UNC5D: variants seen among roughly 807,000 people sequenced by gnomAD.
UNC5D encodes the protein unc-5 netrin receptor D.
Under a neutral mutation model 105.4 loss-of-function variants are expected in UNC5D, and 39 were observed. The ratio of observed to expected loss-of-function variants is 0.37; its 90% CI spans 0.29 to 0.48. The LOEUF (loss-of-function observed/expected upper bound fraction) is 0.48. UNC5D is among the 20% of genes least tolerant of loss of function. UNC5D has a pLI of 0.98. For missense variants in UNC5D, 991 were observed against 1,202.4 expected (o/e 0.82, Z 2.60); for synonymous variants, 452 against 450.4 (o/e 1.00, Z -0.04).
Position 35,715,389 on chromosome 8 carries a change from A to G in UNC5D, c.1118-6821A>G, listed in dbSNP as rs73584842. 3.4e-3 allele frequency among the ~76,000 whole-genome samples: 517 copies of G among 152,296 alleles called. 3 individuals are homozygous for G. Among genetic ancestry groups the G allele is most frequent in the African/African-American group, 0.012 (496 of 41,560 alleles). The stretch of plus-strand genomic sequence containing the variant: ...TTGGAGAGGTGGTAGTTGGAAGACA[A>G]GCTTGCTTTTTGCATAGTATATGTA... On this transcript the variant is annotated intron_variant, in intron 8 of 16. Transcript: ENST00000404895.
rs200962371 is a variant in UNC5D, at chr8:35,593,046, TACACACAC to T, written c.467-2474_467-2467del. The stretch of plus-strand genomic sequence containing the variant: ...TAGGTCCCACTGTCAGTAGTTTTTA[TACACACAC>T]ACACACACACACACACACACACACA... On this transcript the variant is annotated intron_variant, in intron 3 of 16. Coordinates refer to ENST00000404895, the MANE Select transcript of UNC5D (RefSeq NM_080872.4). 6.0e-3 allele frequency among the ~76,000 whole-genome samples: 845 copies of T among 141,216 alleles called. 12 individuals are homozygous for T. The highest frequency in any genetic ancestry group is 0.051 in the East Asian group (244 of 4,752). The allele number at this position is 141,216 out of a possible 152,430, so 92.6% of individuals were successfully genotyped here. A position where few individuals can be genotyped will look rare whatever the true frequency, so the allele number is the denominator to read the frequency against.
In UNC5D at chr8:35,791,795, A is replaced by G. The variant is rs893438834; in HGVS notation, c.*1232A>G. ...CAGCCTCCCTGAATATGCTTTCTCT[A>G]TAGAACCACTAACATATGGCTATTG... is the stretch of plus-strand genomic sequence containing the variant. On this transcript the variant is annotated 3_prime_UTR_variant, in exon 17 of 17. Coordinates refer to ENST00000404895, the MANE Select transcript of UNC5D (RefSeq NM_080872.4). 6.6e-6 allele frequency: 1 copy of G among 152,036 alleles called. No homozygotes were observed. The highest frequency in any genetic ancestry group is 1.5e-5 in the Non-Finnish European group (1 of 68,000). The allele number at this position is 152,036 out of a possible 1,614,324, so 9.4% of individuals were successfully genotyped here. A position where few individuals can be genotyped will look rare whatever the true frequency, so the allele number is the denominator to read the frequency against.
intron 1 of UNC5D, among the ~76,000 whole-genome samples, chr8:35,346,869 G>T (rs1811841995): frequency 6.6e-6 from 1 of 151,800 alleles, no homozygotes; most frequent in East Asian, 1.9e-4. Flanking sequence ...TAATGATTCT[G>T]TATTTCAGAT....
chr8:35,561,349 G>T (rs1247808893), intron 2 of UNC5D, among the ~76,000 whole-genome samples: 5 of 152,104 alleles, frequency 3.3e-5, no homozygotes, highest in Non-Finnish European at 7.4e-5. Context: ...ACAATGGAAA[G>T]GCCCTTGGCC....
intron 1 of UNC5D, among the ~76,000 whole-genome samples, chr8:35,456,503 C>G (rs912797443): frequency 6.6e-6 from 1 of 152,162 alleles, no homozygotes; most frequent in Non-Finnish European, 1.5e-5. Flanking sequence ...GTTTAGCATT[C>G]ATTTGCAGAT....
At chr8:35,505,950 A>C (rs1298500905) in intron 1 of UNC5D, among the ~76,000 whole-genome samples, 1 of 152,232 alleles carries the variant, frequency 6.6e-6, no homozygotes, top group African/African-American at 2.4e-5. Context: ...TAATACACCG[A>C]AATATTTCAC....
intron 4 of UNC5D, among the ~76,000 whole-genome samples, chr8:35,673,927 C>A (rs941400607): frequency 7.9e-5 from 12 of 152,132 alleles, no homozygotes; most frequent in African/African-American, 2.7e-4. Context: ...CTACACAGTG[C>A]CAAAAGCAAA....
At chr8:35,418,476 C>A (rs1414925849) in intron 1 of UNC5D, among the ~76,000 whole-genome samples, 2 of 152,124 alleles carry the variant, frequency 1.3e-5, no homozygotes, top group Non-Finnish European at 2.9e-5. Flanking sequence ...CTGTTGCAAC[C>A]CCTCTTTTCT....
At chr8:35,532,415 C>A (rs1172860017) in intron 1 of UNC5D, among the ~76,000 whole-genome samples, 94 of 127,624 alleles carry the variant, frequency 7.4e-4, no homozygotes, top group African/African-American at 2.7e-3. Context: ...CCGAGAGATC[C>A]GCTGTTAGTC....
At chr8:35,329,612 C>T (rs1176896955) in intron 1 of UNC5D, among the ~76,000 whole-genome samples, 1 of 151,964 alleles carries the variant, frequency 6.6e-6, no homozygotes, top group African/African-American at 2.4e-5. Flanking sequence ...TGACTCCTTT[C>T]CATGTATTAG....
intron 3 of UNC5D, among the ~76,000 whole-genome samples, chr8:35,580,960 A>T (rs539453222): frequency 6.6e-6 from 1 of 152,312 alleles, no homozygotes; most frequent in East Asian, 1.9e-4. Context: ...TAGAGGTCAG[A>T]AGAGCTGGGT....
chr8:35,430,699 G>C (rs147353228), intron 1 of UNC5D, among the ~76,000 whole-genome samples: 1 of 152,000 alleles, frequency 6.6e-6, no homozygotes, highest in Non-Finnish European at 1.5e-5. Flanking sequence ...GGTGGGTGGG[G>C]GAAAAACCTC....
intron 1 of UNC5D, among the ~76,000 whole-genome samples, chr8:35,502,609 A>G (rs1243119130): frequency 6.6e-6 from 1 of 152,124 alleles, no homozygotes; most frequent in African/African-American, 2.4e-5. Flanking sequence ...CCCAGGCTAG[A>G]GTGCAGTGGT....
intron 13 of UNC5D, among the ~76,000 whole-genome samples, chr8:35,754,953 GGTGAGAAAAGAATA>G (rs1285497192): frequency 1.3e-5 from 2 of 152,142 alleles, no homozygotes; most frequent in African/African-American, 2.4e-5. Context: ...CCTGTAGGTA[GGTGAGAAAAGAATA>G]AGAAGACAAG....
chr8:35,673,637 T>G (rs747857130), intron 4 of UNC5D, among the ~76,000 whole-genome samples: 4 of 152,176 alleles, frequency 2.6e-5, no homozygotes, highest in Non-Finnish European at 5.9e-5. Flanking sequence ...GTGTATTGAA[T>G]GACAATATGT....
chr8:35,453,447 C>T (rs1808295082), intron 1 of UNC5D, among the ~76,000 whole-genome samples: 2 of 152,038 alleles, frequency 1.3e-5, no homozygotes, highest in Admixed American at 6.5e-5. Context: ...TTCTGGCAAC[C>T]CCTGGTCACG....
chr8:35,736,171 C>A (rs1829458681), intron 11 of UNC5D, among the ~76,000 whole-genome samples: 1 of 152,086 alleles, frequency 6.6e-6, no homozygotes, highest in South Asian at 2.1e-4. Flanking sequence ...CCAGCCTGGG[C>A]AACAATTGAG....
chr8:35,656,394 A>T (rs1012564265), intron 4 of UNC5D, among the ~76,000 whole-genome samples: 56 of 152,354 alleles, frequency 3.7e-4, no homozygotes, highest in Admixed American at 2.0e-3. Flanking sequence ...TTTTCTGAGA[A>T]GTTGACAGTT....
chr8:35,357,559 TC>T, intron 1 of UNC5D, among the ~76,000 whole-genome samples: 1 of 152,232 alleles, frequency 6.6e-6, no homozygotes, highest in African/African-American at 2.4e-5. Flanking sequence ...CCCTCTTATT[TC>T]CCCCAGGATA....
Sources: gnomAD v4.1 joint callset for allele counts (sites outside exome capture counted in the v4.1 genomes callset) on GRCh38, gnomAD v4.1.1 for gene constraint, MANE v1.5 for transcripts, NCBI Gene and HGNC (gene_info 2026-07-23, HGNC 2026-07-21) for gene names.